The following ANAPC5 variants were observed in gnomAD, a reference collection of about 807,000 sequenced individuals.
ANAPC5 encodes anaphase promoting complex subunit 5.
ANAPC5 carries 60 observed loss-of-function variants against 91.3 expected under a neutral mutation model. The observed-to-expected ratio is 0.66, with a 90% CI of 0.53 to 0.81. The LOEUF (loss-of-function observed/expected upper bound fraction) is 0.81, where lower values mean the gene tolerates loss of function less well. Among genes scored for constraint, ANAPC5 ranks in the 40% least tolerant of loss-of-function variants. The probability of loss-of-function intolerance (pLI) is 0.00; values close to 1 mark genes in which losing one functional copy is unlikely to be tolerated. For synonymous variants in ANAPC5, 340 were observed against 364.1 expected (o/e 0.93, Z 0.75); for missense variants, 690 against 931.5 (o/e 0.74, Z 3.37).
rs139298522 is a variant in ANAPC5 at position 121,342,521 on chromosome 12, T to C, written c.591-452A>G. 8.0e-4 allele frequency among the ~76,000 whole-genome samples: 122 copies of C among 152,146 alleles called. No individual in the cohort carries two copies. Among genetic ancestry groups the C allele is most frequent in the African/African-American group, 2.8e-3 (118 of 41,508 alleles). ...CCTTCCACCTGCTAGTAATAAAAAA[T>C]AAATAATACATTTTTAAATAAAAAA... On this transcript the variant is annotated intron_variant, in intron 4 of 16. Transcript: ENST00000261819. The surrounding 1 kb of genome is among the most constrained non-coding windows in gnomAD (Gnocchi z 4.1).
At position 121,318,351 on chromosome 12, in the gene ANAPC5, C is replaced by A. The variant is rs1193134705; in HGVS notation, c.1819G>T (p.Ala607Ser). ...PTIALPMLLQ[A>S]LALSKEYRLQ... is the part of the protein sequence containing the mutation. ...CGGTACTCCTTGGAGAGGGCCAGAG[C>A]CTGCAGGAGCATGGGCAGCGCGATG... The change falls in exon 15 of 17, where the codon GCT becomes TCT. Residue 607 changes from alanine to serine, a missense_variant. Ala to Ser is a moderately conservative substitution (Grantham distance 99). Transcript: ENST00000261819. The A allele has an allele frequency of 1.2e-6, 2 of 1,611,352 alleles. No homozygotes were observed. The highest frequency in any genetic ancestry group is 2.2e-5 in the South Asian group (2 of 90,576).
chr12:121,339,093 C>T (rs1303569866), intron 5 of ANAPC5, among the ~76,000 whole-genome samples: 4 of 124,710 alleles, frequency 3.2e-5, no homozygotes, highest in Admixed American at 1.0e-4. Context: ...CTTGCTCTGT[C>T]GCCAAGGCTG....
At chr12:121,334,927 A>C (rs1566190666) in intron 7 of ANAPC5, 2 of 152,198 alleles carry the variant, frequency 1.3e-5, no homozygotes, top group African/African-American at 4.8e-5. Context: ...CTAAGACGGC[A>C]ATGTTACATA....
chr12:121,328,995 GA>G (rs1902927547), intron 9 of ANAPC5: 1 of 152,692 alleles, frequency 6.5e-6, no homozygotes, highest in Non-Finnish European at 1.5e-5. Flanking sequence ...CTTCAAGGAT[GA>G]AAGCTCAACT....
chr12:121,336,215 T>C (rs1363407264), intron 6 of ANAPC5, among the ~76,000 whole-genome samples: 2 of 152,156 alleles, frequency 1.3e-5, no homozygotes, highest in African/African-American at 4.8e-5. Context: ...AGATCTCAGT[T>C]ACTAGGAAGC....
chr12:121,351,447 G>A (rs1225421509), intron 1 of ANAPC5, among the ~76,000 whole-genome samples: 1 of 151,562 alleles, frequency 6.6e-6, no homozygotes, highest in African/African-American at 2.4e-5. Flanking sequence ...ATCAGTGCTC[G>A]TCCTTGGCTT....
At chr12:121,328,153 G>T in intron 10 of ANAPC5, 163 bp downstream of exon 10, 1 of 667,772 alleles carries the variant, frequency 1.5e-6, no homozygotes, top group Non-Finnish European at 2.5e-6. Flanking sequence ...TTTTCAGTCT[G>T]TGCAAAATAC....
At position 121,321,382 on chromosome 12, in the gene ANAPC5, T is replaced by C. The variant is rs1430784722; in HGVS notation, c.1441-923A>G. The stretch of plus-strand genomic sequence containing the variant: ...TTTTTTTTTTTATGAGACAGGGTCT[T>C]GCTCTGTTTCCCAGGCTGGAATGCA... On this transcript the variant is annotated intron_variant, in intron 11 of 16. Coordinates refer to ENST00000261819, the MANE Select transcript of ANAPC5 (RefSeq NM_016237.5). Among the ~76,000 whole-genome samples, 3 of 148,012 alleles carry C rather than the reference T, an allele frequency of 2.0e-5. No homozygotes were observed. In the Admixed American group the frequency reaches 2.1e-4, roughly 10 times the overall value.
intron 11 of ANAPC5, 23 bp downstream of exon 11, chr12:121,327,073 C>A (rs781877821): frequency 4.4e-6 from 7 of 1,577,260 alleles, no homozygotes; most frequent in South Asian, 3.4e-5. Flanking sequence ...TCCAGAAGCA[C>A]GTGGGCCCGG....
rs782773565 is a variant in ANAPC5, at chr12:121,330,739, A to G, written c.1033-67T>C. ...TGGCTGATGTTCTAGTGAAATATCA[A>G]TGTGGTCATAAGAAAGAATTTAAAA... is the stretch of plus-strand genomic sequence containing the variant. On this transcript the variant is annotated intron_variant, in intron 8 of 16. Transcript: ENST00000261819. The G allele has an allele frequency of 1.1e-5, 14 of 1,291,738 alleles. No individual in the cohort carries two copies. In the East Asian group the frequency reaches 2.6e-4, roughly 24 times the overall value. The allele number at this position is 1,291,738 out of a possible 1,614,324, so 80.0% of individuals were successfully genotyped here.
chr12:121,342,122 G>A lies in ANAPC5; in HGVS notation c.591-53C>T, dbSNP rs1903483169. 1 of 1,312,818 alleles carries A rather than the reference G, an allele frequency of 7.6e-7. No homozygotes were observed. The highest frequency in any genetic ancestry group is 1.1e-6 in the Non-Finnish European group (1 of 940,478). The allele number at this position is 1,312,818 out of a possible 1,614,324, so 81.3% of individuals were successfully genotyped here. A position where few individuals can be genotyped will look rare whatever the true frequency, so the allele number is the denominator to read the frequency against. Reference sequence around the variant, plus strand: ...TAAAGAATTACACAAAAGTAAAAATGATAACATTTATAAAATCAGATGGAT... The same window carrying A: ...TAAAGAATTACACAAAAGTAAAAATAATAACATTTATAAAATCAGATGGAT... On this transcript the variant is annotated intron_variant, in intron 4 of 16. Coordinates refer to ENST00000261819, the MANE Select transcript of ANAPC5 (RefSeq NM_016237.5). This position sits in a 1 kb window ranked among gnomAD's most constrained non-coding sequence, Gnocchi z 4.1.
rs1297817312 is a variant in ANAPC5, at chr12:121,347,020, C to G, written c.288-15G>C. Reference sequence around the variant, plus strand: ...TCAGTTTGATTCTGAATGAGAAAATCGAGGTGCATATTTTAGAAAGGCCCT... The same window carrying G: ...TCAGTTTGATTCTGAATGAGAAAATGGAGGTGCATATTTTAGAAAGGCCCT... On this transcript the variant is annotated splice_polypyrimidine_tract_variant and intron_variant, in intron 2 of 16. Transcript: ENST00000261819. The G allele has an allele frequency of 6.4e-7, 1 of 1,550,422 alleles. No homozygotes were observed. The highest frequency in any genetic ancestry group is 1.9e-5 in the Admixed American group (1 of 53,706).
intron 9 of ANAPC5, chr12:121,328,707 G>A (rs190115314): frequency 4.3e-5 from 21 of 484,900 alleles, no homozygotes; most frequent in East Asian, 3.1e-4. Context: ...GAGGGTACAC[G>A]GGAAAGAGCC....
chr12:121,352,352 A>G lies in ANAPC5; in HGVS notation c.-12T>C, dbSNP rs1555275530. 1 of 1,586,068 alleles carries G rather than the reference A, an allele frequency of 6.3e-7. No homozygotes were observed. The highest frequency in any genetic ancestry group is 8.6e-7 in the Non-Finnish European group (1 of 1,163,112). On this transcript the variant is annotated 5_prime_UTR_variant, in exon 1 of 17. Transcript: ENST00000261819. ...TGGACGCTGGCCATGGCGGCCCGAGACTAAGTCTCGGGCCCGCGGCGCGCT... is the reference window on the plus strand; with the variant it reads ...TGGACGCTGGCCATGGCGGCCCGAGGCTAAGTCTCGGGCCCGCGGCGCGCT...
intron 9 of ANAPC5, 119 bp from the exon 10 acceptor site, chr12:121,328,616 A>C: frequency 1.1e-6 from 1 of 923,902 alleles, no homozygotes; most frequent in Non-Finnish European, 1.6e-6. Flanking sequence ...GCACTATTTA[A>C]AAGGAAAGTA....
chr12:121,353,419 A>T (rs1373324770), upstream of ANAPC5, among the ~76,000 whole-genome samples: 6 of 138,218 alleles, frequency 4.3e-5, no homozygotes, highest in Admixed American at 4.5e-4. Flanking sequence ...CCACATGCAC[A>T]CACTGTGCCT....
chr12:121,340,133 A>G (rs549732581), intron 5 of ANAPC5, among the ~76,000 whole-genome samples: 2 of 151,960 alleles, frequency 1.3e-5, no homozygotes, highest in East Asian at 1.9e-4. Context: ...CCTGCCCAAC[A>G]TGGCAAAATC....
rs554828211 is a variant in ANAPC5 at position 121,331,284 on chromosome 12, G to A, written c.1032+63C>T. 1.2e-5 allele frequency: 17 copies of A among 1,375,430 alleles called. 1 individual carries two copies. In the East Asian group the frequency reaches 1.4e-4, roughly 11 times the overall value. The allele number at this position is 1,375,430 out of a possible 1,614,324, so 85.2% of individuals were successfully genotyped here. A position where few individuals can be genotyped will look rare whatever the true frequency, so the allele number is the denominator to read the frequency against. ...CAACTGCAAAACAACCCAATTCAAC[G>A]GGGCCTTGTGAAGGCCAATTCAACC... On this transcript the variant is annotated intron_variant, in intron 8 of 16. Coordinates refer to ENST00000261819, the MANE Select transcript of ANAPC5 (RefSeq NM_016237.5).
At chr12:121,313,091 C>T (rs1902234309) in intron 15 of ANAPC5, among the ~76,000 whole-genome samples, 1 of 152,076 alleles carries the variant, frequency 6.6e-6, no homozygotes, top group Admixed American at 6.6e-5. Flanking sequence ...TTTGGGAGGC[C>T]AAGGCGGATG....
Sources: allele counts gnomAD v4.1 joint callset (sites outside exome capture counted in the v4.1 genomes callset), GRCh38; gene constraint gnomAD v4.1.1; non-coding constraint Gnocchi (gnomAD v3.1); transcripts MANE v1.5; gene names NCBI Gene and HGNC (gene_info 2026-07-23, HGNC 2026-07-21).